The following EIF4E variants were observed in gnomAD, a reference collection of about 807,000 sequenced individuals.
The protein encoded by EIF4E is eukaryotic translation initiation factor 4E.
For missense variants in EIF4E, 113 were observed against 265.6 expected (o/e 0.43, Z 3.99); for synonymous variants, 71 against 88.5 (o/e 0.80, Z 1.11).
At chr4:98,898,836 A>G (rs1426273230) in intron 2 of EIF4E, among the ~76,000 whole-genome samples, 3 of 152,102 alleles carry the variant, frequency 2.0e-5, no homozygotes, top group East Asian at 3.8e-4. Flanking sequence ...TAGAGTCACC[A>G]ATAATTTTTA....
chr4:98,897,761 A>G (rs1036226760), intron 2 of EIF4E, among the ~76,000 whole-genome samples: 1 of 152,184 alleles, frequency 6.6e-6, no homozygotes, highest in Non-Finnish European at 1.5e-5. Context: ...AAAAATCAGA[A>G]TTTTAGAAAG....
At chr4:98,912,473 G>A (rs2075876593) in intron 1 of EIF4E, among the ~76,000 whole-genome samples, 1 of 151,680 alleles carries the variant, frequency 6.6e-6, no homozygotes, top group Non-Finnish European at 1.5e-5. Flanking sequence ...CTACGAAGGA[G>A]GCTGAGGCAG....
At chr4:98,890,262 C>T (rs1254020233) in intron 3 of EIF4E, among the ~76,000 whole-genome samples, 3 of 152,064 alleles carry the variant, frequency 2.0e-5, no homozygotes, top group African/African-American at 7.2e-5. Context: ...GAGGGGGTTA[C>T]ATTAAAACAT....
intron 1 of EIF4E, among the ~76,000 whole-genome samples, chr4:98,916,172 C>T (rs564382670): frequency 1.3e-5 from 2 of 150,244 alleles, no homozygotes; most frequent in Non-Finnish European, 2.9e-5. Context: ...GCCTGGGCAA[C>T]AGAGTGAGGC....
chr4:98,898,191 A>G (rs567664647), intron 2 of EIF4E, among the ~76,000 whole-genome samples: 1 of 152,304 alleles, frequency 6.6e-6, no homozygotes, highest in African/African-American at 2.4e-5. Context: ...TTTAAAAACT[A>G]TTCTCCCTTT....
At chr4:98,917,034 A>G (rs1350152402) in intron 1 of EIF4E, among the ~76,000 whole-genome samples, 1 of 149,854 alleles carries the variant, frequency 6.7e-6, no homozygotes, top group Non-Finnish European at 1.5e-5. Flanking sequence ...AATGTGATTT[A>G]ATGGCTGCTA....
At chr4:98,919,558 CTTTTT>C (rs532537834) in intron 1 of EIF4E, among the ~76,000 whole-genome samples, 2 of 131,884 alleles carry the variant, frequency 1.5e-5, no homozygotes, top group African/African-American at 2.8e-5. Context: ...GATTCTTTTT[CTTTTT>C]TTTTTTTTTT....
intron 1 of EIF4E, among the ~76,000 whole-genome samples, chr4:98,907,247 T>C (rs1408426852): frequency 1.3e-5 from 2 of 152,350 alleles, no homozygotes; most frequent in East Asian, 3.9e-4. Context: ...TATAAAGTCA[T>C]TTTAAAGTAA....
chr4:98,884,532 G>A (rs1723831917), intron 6 of EIF4E, among the ~76,000 whole-genome samples: 1 of 151,914 alleles, frequency 6.6e-6, no homozygotes, highest in Admixed American at 6.6e-5. Flanking sequence ...GGCAAAACCT[G>A]GTCTCTACTA....
At chr4:98,927,770 C>A (rs781592382) in intron 1 of EIF4E, among the ~76,000 whole-genome samples, 6 of 150,702 alleles carry the variant, frequency 4.0e-5, no homozygotes, top group Non-Finnish European at 7.4e-5. Flanking sequence ...ATCTGGCAAC[C>A]AAGGTCTAGA....
At chr4:98,909,658 T>A (rs768056195) in intron 1 of EIF4E, 29 of 711,798 alleles carry the variant, frequency 4.1e-5, no homozygotes, top group Non-Finnish European at 6.0e-5. Flanking sequence ...CAACCTGTGC[T>A]GGCAAACAAG....
At chr4:98,891,170 G>T in intron 3 of EIF4E, 67 bp downstream of exon 3, 2 of 1,539,256 alleles carry the variant, frequency 1.3e-6, no homozygotes, top group South Asian at 2.3e-5. Flanking sequence ...TTGTGAATTC[G>T]ACTTAAAAAT....
In EIF4E at chr4:98,888,540, A is replaced by G. The variant is rs1205337245; in HGVS notation, c.222-588T>C. 7.9e-5 allele frequency among the ~76,000 whole-genome samples: 12 copies of G among 152,304 alleles called. No homozygotes were observed. The East Asian group carries it at 1.3e-3, about 17-fold the overall frequency. On this transcript the variant is annotated intron_variant, in intron 3 of 6. Coordinates refer to ENST00000450253, the MANE Select transcript of EIF4E (RefSeq NM_001968.5). Reference sequence around the variant, plus strand: ...AAATAAATATAGTTACAAGCCCTACATCTTGGGATTATAATCACCTAAATA... The same window carrying G: ...AAATAAATATAGTTACAAGCCCTACGTCTTGGGATTATAATCACCTAAATA...
chr4:98,896,741 G>A (rs1724427057), intron 2 of EIF4E, among the ~76,000 whole-genome samples: 1 of 150,856 alleles, frequency 6.6e-6, no homozygotes, highest in South Asian at 2.1e-4. Context: ...ATTTTGCGAG[G>A]CCGAGGTGGA....
rs138785130 is a variant in EIF4E, at chr4:98,925,527, A to G, written c.18+3568T>C. On this transcript the variant is annotated intron_variant, in intron 1 of 6. Transcript: ENST00000450253. ...CAAATTTTTGCCAAATTATCCGTTA[A>G]GAGGTAAAATGTTTCCCTTAATTTT... 9.0e-3 allele frequency among the ~76,000 whole-genome samples: 1,364 copies of G among 152,362 alleles called. 24 individuals are homozygous for G. The highest frequency in any genetic ancestry group is 0.031 in the African/African-American group (1,293 of 41,578).
chr4:98,901,495 G>A (rs1366800743), intron 2 of EIF4E, among the ~76,000 whole-genome samples: 1 of 151,930 alleles, frequency 6.6e-6, no homozygotes, highest in East Asian at 1.9e-4. Flanking sequence ...ACAGGCGTGA[G>A]CCACCGCGTT....
At chr4:98,927,784 G>A (rs997760743) in intron 1 of EIF4E, among the ~76,000 whole-genome samples, 2 of 151,748 alleles carry the variant, frequency 1.3e-5, no homozygotes, top group Non-Finnish European at 2.9e-5. Context: ...GTCTAGAGCT[G>A]GTTCCAGAGT....
At chr4:98,898,948 T>TA (rs200904160) in intron 2 of EIF4E, among the ~76,000 whole-genome samples, 23 of 146,270 alleles carry the variant, frequency 1.6e-4, no homozygotes, top group African/African-American at 2.8e-4. Flanking sequence ...TTAAAAAGTT[T>TA]AAAAAAAAAA....
intron 2 of EIF4E, among the ~76,000 whole-genome samples, chr4:98,897,909 A>G (rs1208606345): frequency 2.6e-5 from 4 of 152,246 alleles, no homozygotes; most frequent in Admixed American, 2.6e-4. Context: ...TGCATAACTC[A>G]CTGAACCATT....
Sources: gnomAD v4.1 joint callset for allele counts (sites outside exome capture counted in the v4.1 genomes callset) on GRCh38, gnomAD v4.1.1 for gene constraint, MANE v1.5 for transcripts, NCBI Gene and HGNC (gene_info 2026-07-23, HGNC 2026-07-21) for gene names.